The following FGF13 variants were observed in gnomAD, a reference collection of about 807,000 sequenced individuals.
FGF13 encodes the protein fibroblast growth factor homologous factor 2.
FGF13 carries 2 observed loss-of-function variants against 19.5 expected under a neutral mutation model. That is an observed-to-expected ratio of 0.10 (90% CI 0.04 to 0.32). The LOEUF (loss-of-function observed/expected upper bound fraction) is 0.32. FGF13 is among the 10% of genes least tolerant of loss of function. The pLI, the probability that FGF13 is intolerant of heterozygous loss-of-function variation, is 1.00. For synonymous variants in FGF13, 72 were observed against 76.9 expected, an observed-to-expected ratio of 0.94 and a Z score of 0.33; for missense variants, 113 against 192.7, an observed-to-expected ratio of 0.59 and a Z score of 2.45.
intron 3 of FGF13, among the ~76,000 whole-genome samples, chrX:138,844,644 A>G (rs1009418217): frequency 3.6e-5 from 4 of 111,848 alleles, no homozygotes; most frequent in African/African-American, 1.3e-4. Context: ...CCTGAAGCCG[A>G]GTCCTTCCTT....
intron 1 of FGF13, among the ~76,000 whole-genome samples, chrX:138,881,845 A>T (rs1041520992): frequency 1.8e-5 from 2 of 110,857 alleles, no homozygotes; most frequent in African/African-American, 3.3e-5. Context: ...TTTTCAAACG[A>T]CCAACTTCTG....
intron 3 of FGF13, among the ~76,000 whole-genome samples, chrX:138,802,870 G>A (rs2124001282): frequency 9.0e-6 from 1 of 111,633 alleles, no homozygotes; most frequent in South Asian, 3.8e-4. Flanking sequence ...ATCAATTGCA[G>A]AATGCCATGT....
chrX:138,908,849 C>T (rs1338147905), intron 1 of FGF13, among the ~76,000 whole-genome samples: 1 of 112,174 alleles, frequency 8.9e-6, no homozygotes, highest in Non-Finnish European at 1.9e-5. Flanking sequence ...TAACAACAAA[C>T]TATTCCTAAC....
At chrX:138,742,962 T>C (rs1423717540), upstream of FGF13, among the ~76,000 whole-genome samples, 4 of 111,813 alleles carry the variant, frequency 3.6e-5, no homozygotes, top group Non-Finnish European at 5.6e-5. Context: ...TTGTATGCAC[T>C]GATCCCTCAC....
At chrX:139,163,673 G>A (rs1008137780) in intron 1 of FGF13, among the ~76,000 whole-genome samples, 1 of 111,178 alleles carries the variant, frequency 9.0e-6, no homozygotes, top group Admixed American at 9.6e-5. Flanking sequence ...TTTCAGGTAT[G>A]CAAATCAATA....
chrX:139,048,234 G>A (rs2092293892), intron 1 of FGF13, among the ~76,000 whole-genome samples: 1 of 111,154 alleles, frequency 9.0e-6, no homozygotes, highest in Admixed American at 9.6e-5. Flanking sequence ...AAAAGTCACA[G>A]TTTTGCTACT....
intron 1 of FGF13, among the ~76,000 whole-genome samples, chrX:139,060,411 T>G (rs1161416748): frequency 9.0e-6 from 1 of 111,386 alleles, no homozygotes; most frequent in African/African-American, 3.3e-5. Flanking sequence ...TTCTATAAAT[T>G]AAATAACTAG....
intron 1 of FGF13, among the ~76,000 whole-genome samples, chrX:138,729,760 G>C (rs1314369141): frequency 9.0e-6 from 1 of 110,808 alleles, no homozygotes; most frequent in African/African-American, 3.3e-5. Context: ...AAAAACCAAA[G>C]ATAATGAGAA....
At chrX:139,003,586 A>C (rs1464787691) in intron 1 of FGF13, among the ~76,000 whole-genome samples, 1 of 102,004 alleles carries the variant, frequency 9.8e-6, no homozygotes, top group East Asian at 3.2e-4. Context: ...GAGCTAGATA[A>C]AAAGGTTCTC....
intron 1 of FGF13, among the ~76,000 whole-genome samples, chrX:139,199,319 AT>A (rs1419088865): frequency 8.2e-4 from 91 of 110,714 alleles, no homozygotes; most frequent in African/African-American, 2.7e-3. Flanking sequence ...CCCTCCTTCA[AT>A]TGCTTAATCT....
At chrX:139,047,706 G>A (rs2092291927) in intron 1 of FGF13, among the ~76,000 whole-genome samples, 1 of 111,918 alleles carries the variant, frequency 8.9e-6, no homozygotes, top group Non-Finnish European at 1.9e-5. Context: ...GCTTAAATGA[G>A]AAGATATATT....
chrX:139,137,784 G>A (rs1036807530), intron 1 of FGF13, among the ~76,000 whole-genome samples: 2 of 112,470 alleles, frequency 1.8e-5, no homozygotes, highest in Admixed American at 1.9e-4. Flanking sequence ...TGAGTTAGGT[G>A]TTGTGTGTAT....
At chrX:139,062,906 A>G (rs1436376862) in intron 1 of FGF13, among the ~76,000 whole-genome samples, 1 of 112,081 alleles carries the variant, frequency 8.9e-6, no homozygotes, top group Admixed American at 9.5e-5. Context: ...CCATAGCAGT[A>G]GCCAAATCAA....
At chrX:138,943,042 C>A (rs897204345) in intron 1 of FGF13, among the ~76,000 whole-genome samples, 1 of 112,230 alleles carries the variant, frequency 8.9e-6, no homozygotes, top group Non-Finnish European at 1.9e-5. Context: ...CAAAAACCCA[C>A]CTGTTGTCTC....
intron 1 of FGF13, among the ~76,000 whole-genome samples, chrX:139,028,180 A>G (rs1055857720): frequency 8.9e-6 from 1 of 111,741 alleles, no homozygotes; most frequent in African/African-American, 3.3e-5. Context: ...CATTGCACTA[A>G]AAAGATTTCT....
chrX:139,111,921 C>T (rs1475985912), intron 1 of FGF13, among the ~76,000 whole-genome samples: 1 of 111,800 alleles, frequency 8.9e-6, no homozygotes, highest in Non-Finnish European at 1.9e-5. Flanking sequence ...CAACCTCCTC[C>T]CCCAGCCTGG....
intron 1 of FGF13, among the ~76,000 whole-genome samples, chrX:139,165,577 T>C (rs1245103777): frequency 1.8e-5 from 2 of 111,532 alleles, no homozygotes; most frequent in African/African-American, 6.5e-5. Context: ...AAGGGCAGAA[T>C]GGTTTGGGGG....
intron 1 of FGF13, among the ~76,000 whole-genome samples, chrX:138,723,595 C>T (rs536190517): frequency 9.0e-6 from 1 of 111,509 alleles, no homozygotes; most frequent in African/African-American, 3.3e-5. Context: ...AGAAACCCAT[C>T]ATCTTAGGTT....
intron 3 of FGF13, among the ~76,000 whole-genome samples, chrX:138,801,805 C>T (rs2090831383): frequency 8.9e-6 from 1 of 112,415 alleles, no homozygotes; most frequent in South Asian, 3.7e-4. Flanking sequence ...TCTAGAGAGG[C>T]AGTCTGTCCA....
Sources: gnomAD v4.1 joint callset for allele counts (sites outside exome capture counted in the v4.1 genomes callset) on GRCh38, gnomAD v4.1.1 for gene constraint, MANE v1.5 for transcripts, NCBI Gene and HGNC (gene_info 2026-07-23, HGNC 2026-07-21) for gene names.